The following NIPBL variants were observed in gnomAD, a reference collection of about 807,000 sequenced individuals.
NIPBL encodes NIPBL cohesin loading factor.
A neutral mutation model predicts 321.8 loss-of-function variants in NIPBL; 19 were observed. The ratio of observed to expected loss-of-function variants is 0.06; its 90% CI spans 0.04 to 0.09. The LOEUF (loss-of-function observed/expected upper bound fraction) is 0.09. NIPBL is among the 10% of genes least tolerant of loss of function. The pLI is 1.00. For missense variants in NIPBL, 2,210 were observed against 3,327.0 expected (o/e 0.66, Z 8.26); for synonymous variants, 1,106 against 1,114.1 (o/e 0.99, Z 0.14).
chr5:36,955,935 T>C lies in NIPBL; in HGVS notation c.230+298T>C, dbSNP rs927076062. Among the ~76,000 whole-genome samples the C allele has an allele frequency of 3.9e-5, 6 of 151,968 alleles. No individual in the cohort carries two copies. The South Asian group carries it at 8.3e-4, about 21-fold the overall frequency. On this transcript the variant is annotated intron_variant, in intron 3 of 46. Coordinates refer to ENST00000282516, the MANE Select transcript of NIPBL (RefSeq NM_133433.4). Reference sequence around the variant, plus strand: ...GCAGAGATCTGGTCATGAAACTATATCCCTGTCTGGGCGCGGTGGCTTACA... The same window carrying C: ...GCAGAGATCTGGTCATGAAACTATACCCCTGTCTGGGCGCGGTGGCTTACA...
chr5:37,028,977 G>A (rs1414687941), intron 32 of NIPBL, among the ~76,000 whole-genome samples: 3 of 152,068 alleles, frequency 2.0e-5, no homozygotes, highest in Non-Finnish European at 1.5e-5. Context: ...TGTCATTTAA[G>A]TTGTTCCTCT....
chr5:36,900,737 T>G (rs1747140653), intron 1 of NIPBL, among the ~76,000 whole-genome samples: 1 of 152,164 alleles, frequency 6.6e-6, no homozygotes, highest in African/African-American at 2.4e-5. Context: ...ATTCATTAGC[T>G]TTAGCTGTAA....
chr5:37,018,404 A>G (rs918927770), intron 24 of NIPBL, among the ~76,000 whole-genome samples: 1 of 152,114 alleles, frequency 6.6e-6, no homozygotes, highest in African/African-American at 2.4e-5. Context: ...ATCAATGAGA[A>G]CCCTTTGAAG....
At chr5:36,952,053 T>TGTGTGTGTGTGTGTGTGTGCGCGC (rs778597604) in intron 1 of NIPBL, among the ~76,000 whole-genome samples, 24 of 112,100 alleles carry the variant, frequency 2.1e-4, no homozygotes, top group East Asian at 1.4e-3. Context: ...TGTGTGTGTG[T>TGTGTGTGTGTGTGTGTGTGCGCGC]GCGCGCGCGC....
At chr5:36,920,278 G>A (rs78887491) in intron 1 of NIPBL, among the ~76,000 whole-genome samples, 1 of 152,110 alleles carries the variant, frequency 6.6e-6, no homozygotes, top group Non-Finnish European at 1.5e-5. Flanking sequence ...TTACAAGCAT[G>A]TTGTCAATTT....
intron 3 of NIPBL, among the ~76,000 whole-genome samples, chr5:36,955,947 C>T (rs1049234649): frequency 6.6e-6 from 1 of 151,590 alleles, no homozygotes. Flanking sequence ...CCTGTCTGGG[C>T]GCGGTGGCTT....
At chr5:37,013,394 G>C (rs1453963466) in intron 21 of NIPBL, among the ~76,000 whole-genome samples, 5 of 151,454 alleles carry the variant, frequency 3.3e-5, no homozygotes, top group South Asian at 2.1e-4. Context: ...GGGCGGAGAC[G>C]CTCCTCACTT....
chr5:37,063,400 T>C (rs1170343850), intron 45 of NIPBL, among the ~76,000 whole-genome samples: 1 of 152,222 alleles, frequency 6.6e-6, no homozygotes, highest in African/African-American at 2.4e-5. Flanking sequence ...GGGAGATAAC[T>C]AGAAAATGTC....
At position 37,005,151 on chromosome 5, in the gene NIPBL, A is replaced by C. The variant is rs112806351; in HGVS notation, c.3856-1206A>C. Among the ~76,000 whole-genome samples, 310 of 152,312 alleles carry C rather than the reference A, an allele frequency of 2.0e-3. 1 individual carries two copies. Among genetic ancestry groups the C allele is most frequent in the Non-Finnish European group, 3.6e-3 (247 of 68,022 alleles). On this transcript the variant is annotated intron_variant, in intron 16 of 46. Coordinates refer to ENST00000282516, the MANE Select transcript of NIPBL (RefSeq NM_133433.4). ...TGTAGTCCAAGACAATTCTTCTTCCACTGTGGCCCAGGGAAGCCAAAAGAT... is the reference window on the plus strand; with the variant it reads ...TGTAGTCCAAGACAATTCTTCTTCCCCTGTGGCCCAGGGAAGCCAAAAGAT...
chr5:36,999,974 C>A (rs1472081067), intron 11 of NIPBL, among the ~76,000 whole-genome samples: 1 of 152,186 alleles, frequency 6.6e-6, no homozygotes, highest in African/African-American at 2.4e-5. Flanking sequence ...CATCAGTAAT[C>A]TAAGTGCTTT....
In NIPBL at chr5:36,995,819, A is replaced by G; in HGVS notation, c.3304+15A>G. 6.3e-7 allele frequency: 1 copy of G among 1,599,270 alleles called. No individual in the cohort carries two copies. Among genetic ancestry groups the G allele is most frequent in the Non-Finnish European group, 8.6e-7 (1 of 1,167,276 alleles). Reference sequence around the variant, plus strand: ...AGCTTTTGAATGTAAGTATCACAGAACTCTTTGTTATTATTTTAGAGTTTA... The same window carrying G: ...AGCTTTTGAATGTAAGTATCACAGAGCTCTTTGTTATTATTTTAGAGTTTA... On this transcript the variant is annotated intron_variant, in intron 11 of 46. Transcript: ENST00000282516.
intron 1 of NIPBL, among the ~76,000 whole-genome samples, chr5:36,909,889 A>C (rs1747915976): frequency 6.6e-6 from 1 of 152,134 alleles, no homozygotes; most frequent in African/African-American, 2.4e-5. Flanking sequence ...TATCCTGGCC[A>C]ACGTGGTGAA....
chr5:36,933,741 G>C (rs1343859128), intron 1 of NIPBL, among the ~76,000 whole-genome samples: 1 of 151,912 alleles, frequency 6.6e-6, no homozygotes, highest in East Asian at 1.9e-4. Context: ...GGCTTTTATT[G>C]ATTAATCTTC....
chr5:37,057,232 G>A lies in NIPBL; in HGVS notation c.7310G>A (p.Cys2437Tyr). 1 of 1,613,906 alleles carries A rather than the reference G, an allele frequency of 6.2e-7. No homozygotes were observed. The highest frequency in any genetic ancestry group is 8.5e-7 in the Non-Finnish European group (1 of 1,179,934). The stretch of plus-strand genomic sequence containing the variant: ...TTGTATATAGCAGACAATCTAGCCT[G>A]TTTTCCATACCAGACACAGGAAGAG... ...MLLYIADNLA[C>Y]FPYQTQEEPL... Residue 2437 changes from cysteine (C) to tyrosine (Y), a missense_variant, in exon 43 of 47, where the codon TGT (cysteine) becomes TAT (tyrosine). Physicochemically the swap from Cys to Tyr is radical, Grantham distance 194. Transcript: ENST00000282516.
At chr5:36,894,457 G>A (rs1236716963) in intron 1 of NIPBL, among the ~76,000 whole-genome samples, 3 of 152,030 alleles carry the variant, frequency 2.0e-5, no homozygotes, top group Non-Finnish European at 4.4e-5. Flanking sequence ...AAAAATACAT[G>A]TATATAAAAA....
chr5:37,014,352 T>A (rs1276002200), intron 21 of NIPBL, among the ~76,000 whole-genome samples: 1 of 149,548 alleles, frequency 6.7e-6, no homozygotes, highest in Non-Finnish European at 1.5e-5. Flanking sequence ...GAGGTTGACA[T>A]ATTTTTTCTA....
At chr5:37,039,352 A>G (rs984449163) in intron 34 of NIPBL, among the ~76,000 whole-genome samples, 10 of 151,322 alleles carry the variant, frequency 6.6e-5, no homozygotes, top group African/African-American at 9.7e-5. Context: ...TGGAAAATCT[A>G]TAATATCATA....
intron 8 of NIPBL, among the ~76,000 whole-genome samples, chr5:36,975,416 A>G (rs2149627312): frequency 6.6e-6 from 1 of 152,278 alleles, no homozygotes; most frequent in African/African-American, 2.4e-5. Context: ...AAGAACAGAG[A>G]TGGTCATACC....
In NIPBL at chr5:36,942,529, C is replaced by T. The variant is rs182145510; in HGVS notation, c.-79-11089C>T. On this transcript the variant is annotated intron_variant, in intron 1 of 46. Transcript: ENST00000282516. ...CCAAAGCAGGCAGATCACTTGAGGTCAGGAGTTCGAGACCAGTCTGGCCAA... is the reference window on the plus strand; with the variant it reads ...CCAAAGCAGGCAGATCACTTGAGGTTAGGAGTTCGAGACCAGTCTGGCCAA... 2.7e-5 allele frequency among the ~76,000 whole-genome samples: 4 copies of T among 148,754 alleles called. No homozygotes were observed. The East Asian group carries it at 8.0e-4, about 30-fold the overall frequency.
Sources: allele counts gnomAD v4.1 joint callset (sites outside exome capture counted in the v4.1 genomes callset), GRCh38; gene constraint gnomAD v4.1.1; transcripts MANE v1.5; gene names NCBI Gene and HGNC (gene_info 2026-07-23, HGNC 2026-07-21).